Variants in PTPRD observed in about 807,000 individuals in gnomAD.
PTPRD encodes protein tyrosine phosphatase receptor type D.
A neutral mutation model predicts 214.5 loss-of-function variants in PTPRD; 34 were observed. The ratio of observed to expected loss-of-function variants is 0.16; its 90% CI spans 0.12 to 0.21. The LOEUF is 0.21. Among genes scored for constraint, PTPRD ranks in the 10% least tolerant of loss-of-function variants. The pLI is 1.00. For synonymous variants in PTPRD, 1,128 were observed against 845.7 expected (o/e 1.33, Z -5.79); for missense variants, 2,545 against 2,398.7 (o/e 1.06, Z -1.27).
At chr9:9,687,472 C>T (rs2097185679) in intron 7 of PTPRD, among the ~76,000 whole-genome samples, 1 of 151,586 alleles carries the variant, frequency 6.6e-6, no homozygotes, top group South Asian at 2.1e-4. Context: ...ATGTCAGACA[C>T]CAGTTATGTT....
At chr9:10,312,466 C>A (rs953877759) in intron 3 of PTPRD, among the ~76,000 whole-genome samples, 1 of 151,666 alleles carries the variant, frequency 6.6e-6, no homozygotes, top group Non-Finnish European at 1.5e-5. Flanking sequence ...GGATTAGAAA[C>A]GGATTTTCAA....
chr9:9,323,580 G>C (rs115423963), intron 9 of PTPRD, among the ~76,000 whole-genome samples: 1 of 151,938 alleles, frequency 6.6e-6, no homozygotes, highest in African/African-American at 2.4e-5. Context: ...ATACCAATTC[G>C]AGAACCATCA....
chr9:8,682,112 T>C (rs1055620287), intron 12 of PTPRD, among the ~76,000 whole-genome samples: 2 of 152,164 alleles, frequency 1.3e-5, no homozygotes, highest in African/African-American at 4.8e-5. Flanking sequence ...TATAGACACC[T>C]TTGTCATTCA....
At chr9:9,403,290 CAA>C (rs56105335) in intron 8 of PTPRD, among the ~76,000 whole-genome samples, 3 of 60,662 alleles carry the variant, frequency 4.9e-5, no homozygotes, top group East Asian at 5.1e-4. Flanking sequence ...TACTCTGTCT[CAA>C]AAAAAAAAAA....
At chr9:9,292,583 A>C (rs1171102991) in intron 9 of PTPRD, among the ~76,000 whole-genome samples, 4 of 151,480 alleles carry the variant, frequency 2.6e-5, no homozygotes, top group Non-Finnish European at 5.9e-5. Flanking sequence ...AATTTGTCTC[A>C]ATTAATGAAC....
At chr9:10,138,708 C>A (rs558562866) in intron 3 of PTPRD, among the ~76,000 whole-genome samples, 5 of 152,188 alleles carry the variant, frequency 3.3e-5, no homozygotes, top group Admixed American at 2.0e-4. Flanking sequence ...TCACAATGAC[C>A]AAATAGGCTT....
chr9:9,153,251 T>A (rs1428449480), intron 10 of PTPRD, among the ~76,000 whole-genome samples: 1 of 152,218 alleles, frequency 6.6e-6, no homozygotes, highest in Non-Finnish European at 1.5e-5. Flanking sequence ...ATATAAATTC[T>A]CTTTAACTGC....
intron 7 of PTPRD, among the ~76,000 whole-genome samples, chr9:9,632,222 G>A (rs2095617276): frequency 6.6e-6 from 1 of 152,150 alleles, no homozygotes; most frequent in Admixed American, 6.6e-5. Context: ...ACCATCAAAA[G>A]TGATAAAGTA....
intron 3 of PTPRD, among the ~76,000 whole-genome samples, chr9:10,143,909 G>A (rs2099005098): frequency 2.0e-5 from 3 of 151,970 alleles, no homozygotes; most frequent in African/African-American, 7.2e-5. Context: ...AGAGGGGAGA[G>A]GGAGGAAGTA....
chr9:9,300,965 C>T (rs1955057274), intron 9 of PTPRD, among the ~76,000 whole-genome samples: 1 of 151,604 alleles, frequency 6.6e-6, no homozygotes, highest in Non-Finnish European at 1.5e-5. Context: ...TACACTTTTC[C>T]CACTAGAGTG....
chr9:9,805,473 A>G (rs2099067222), intron 5 of PTPRD, among the ~76,000 whole-genome samples: 1 of 152,184 alleles, frequency 6.6e-6, no homozygotes, highest in Admixed American at 6.5e-5. Context: ...GTACCAGCTC[A>G]GTTAAGTGGA....
intron 8 of PTPRD, among the ~76,000 whole-genome samples, chr9:9,465,603 T>C (rs2094079559): frequency 6.6e-6 from 1 of 152,204 alleles, no homozygotes; most frequent in East Asian, 1.9e-4. Context: ...AGAGTTGATT[T>C]CCAAATTCCT....
intron 5 of PTPRD, among the ~76,000 whole-genome samples, chr9:9,932,413 A>G (rs2087050044): frequency 6.8e-6 from 1 of 147,764 alleles, no homozygotes; most frequent in South Asian, 2.2e-4. Context: ...CCAAGGCTCC[A>G]GAACTACGTG....
In PTPRD at chr9:10,568,391, A is replaced by T. The variant is rs562475775; in HGVS notation, c.-600+44007T>A. 3.2e-4 allele frequency among the ~76,000 whole-genome samples: 49 copies of T among 152,058 alleles called. No individual in the cohort carries two copies. In the South Asian group the frequency reaches 0.01, roughly 32 times the overall value. ...TTGTTGGACATTTGGGTTGGTTCCAAGTCTTTGCTATTGTGAATAGTGCCG... is the reference window on the plus strand; with the variant it reads ...TTGTTGGACATTTGGGTTGGTTCCATGTCTTTGCTATTGTGAATAGTGCCG... On this transcript the variant is annotated intron_variant, in intron 2 of 45. Coordinates refer to ENST00000381196, the MANE Select transcript of PTPRD (RefSeq NM_002839.4).
At chr9:10,360,068 G>C (rs927060440) in intron 2 of PTPRD, among the ~76,000 whole-genome samples, 1 of 152,110 alleles carries the variant, frequency 6.6e-6, no homozygotes, top group African/African-American at 2.4e-5. Flanking sequence ...AAGAGAAATT[G>C]CATTATGCAT....
At chr9:8,478,853 G>A (rs190374937) in intron 30 of PTPRD, among the ~76,000 whole-genome samples, 39 of 152,294 alleles carry the variant, frequency 2.6e-4, no homozygotes, top group Middle Eastern at 3.4e-3. Flanking sequence ...TCGGTGTTGA[G>A]GAGTTAAGGA....
At chr9:9,537,065 T>C (rs16929670) in intron 8 of PTPRD, among the ~76,000 whole-genome samples, 32,859 of 151,566 alleles carry the variant, frequency 0.22, 3,987 homozygotes, top group Non-Finnish European at 0.26. Flanking sequence ...TACCACTGCT[T>C]TTCCAGGAAT....
intron 3 of PTPRD, among the ~76,000 whole-genome samples, chr9:10,168,807 T>C (rs1259910358): frequency 6.6e-6 from 1 of 152,190 alleles, no homozygotes; most frequent in African/African-American, 2.4e-5. Flanking sequence ...AAAAATGAAG[T>C]ATATATTACA....
At chr9:8,736,725 G>A (rs1009200903) in intron 11 of PTPRD, among the ~76,000 whole-genome samples, 1 of 150,914 alleles carries the variant, frequency 6.6e-6, no homozygotes, top group African/African-American at 2.4e-5. Flanking sequence ...TAAACAGTGG[G>A]TTGGCATGAA....
Sources: allele counts gnomAD v4.1 joint callset (sites outside exome capture counted in the v4.1 genomes callset), GRCh38; gene constraint gnomAD v4.1.1; transcripts MANE v1.5; gene names NCBI Gene and HGNC (gene_info 2026-07-23, HGNC 2026-07-21).